The following MACROD2 variants were observed in gnomAD, a reference collection of about 807,000 sequenced individuals.
MACROD2 encodes the protein ADP-ribose glycohydrolase MACROD2.
In MACROD2, 36 loss-of-function variants were observed where a neutral mutation model predicts 70.4. The observed-to-expected ratio is 0.51, with a 90% confidence interval of 0.39 to 0.68. The LOEUF (loss-of-function observed/expected upper bound fraction) is 0.68, where lower values mean the gene tolerates loss of function less well. Ranked by LOEUF, MACROD2 falls within the 30% of genes least tolerant of loss-of-function variation. The pLI is 0.00. For synonymous variants in MACROD2, 172 were observed against 178.8 expected (o/e 0.96, Z 0.30); for missense variants, 496 against 538.4 (o/e 0.92, Z 0.78).
chr20:15,564,504 C>T (rs574633921), intron 8 of MACROD2, among the ~76,000 whole-genome samples: 1 of 152,242 alleles, frequency 6.6e-6, no homozygotes, highest in South Asian at 2.1e-4. Context: ...TCTGACATTA[C>T]TTATAGCACA....
intron 4 of MACROD2, among the ~76,000 whole-genome samples, chr20:14,666,043 C>T (rs538883050): frequency 5.9e-5 from 9 of 152,208 alleles, no homozygotes; most frequent in African/African-American, 2.2e-4. Flanking sequence ...GATTCCTTTT[C>T]TACAGGGCCG....
At chr20:14,539,003 A>T (rs999588446) in intron 4 of MACROD2, among the ~76,000 whole-genome samples, 1 of 152,222 alleles carries the variant, frequency 6.6e-6, no homozygotes, top group African/African-American at 2.4e-5. Flanking sequence ...GCACATAATG[A>T]GCATTCAGTA....
rs543231130 is a variant in MACROD2 at position 15,221,879 on chromosome 20, T to G, written c.419-8061T>G. Among the ~76,000 whole-genome samples the G allele has an allele frequency of 5.3e-5, 8 of 152,350 alleles. No individual in the cohort carries two copies. In the East Asian group the frequency reaches 1.5e-3, roughly 29 times the overall value. On this transcript the variant is annotated intron_variant, in intron 5 of 17. Transcript: ENST00000684519. ...CAACTTTCCAGTTGAGCTGAAAGTA[T>G]GCATTTGAGCTTTGGCAGTGCATTC...
intron 5 of MACROD2, among the ~76,000 whole-genome samples, chr20:14,818,236 G>A (rs1389411362): frequency 6.6e-6 from 1 of 152,060 alleles, no homozygotes; most frequent in East Asian, 1.9e-4. Flanking sequence ...CAGGGTAATG[G>A]GCAGAGGCAG....
At chr20:16,016,766 G>A (rs542366589) in intron 15 of MACROD2, among the ~76,000 whole-genome samples, 2 of 152,236 alleles carry the variant, frequency 1.3e-5, no homozygotes, top group East Asian at 3.9e-4. Flanking sequence ...GAACGAAACT[G>A]AGCTTTTAAT....
intron 5 of MACROD2, among the ~76,000 whole-genome samples, chr20:15,203,338 T>C (rs930554559): frequency 1.3e-5 from 2 of 152,134 alleles, no homozygotes; most frequent in African/African-American, 4.8e-5. Flanking sequence ...TTCATAAATA[T>C]TGATTTCTTT....
intron 8 of MACROD2, among the ~76,000 whole-genome samples, chr20:15,687,007 C>CTT (rs112312068): frequency 1.6e-4 from 20 of 122,184 alleles, no homozygotes; most frequent in East Asian, 1.4e-3. Flanking sequence ...TTTTTTTTTT[C>CTT]TTTTTTTTTT....
chr20:14,326,246 C>G lies in MACROD2; in HGVS notation c.272-167233C>G, dbSNP rs1352227935. ...AGTTTCCAAGAGATATGAATGGTAT[C>G]AGAGGTGACAGACTTCACAGTAATT... On this transcript the variant is annotated intron_variant, in intron 3 of 17. Transcript: ENST00000684519. The surrounding 1 kb of genome is among the most constrained non-coding windows in gnomAD (Gnocchi z 5.5). The G allele has an allele frequency of 6.2e-7, 1 of 1,613,916 alleles. No individual in the cohort carries two copies. The highest frequency in any genetic ancestry group is 8.5e-7 in the Non-Finnish European group (1 of 1,179,868).
intron 5 of MACROD2, among the ~76,000 whole-genome samples, chr20:14,989,969 A>G (rs565342415): frequency 1.3e-5 from 2 of 152,212 alleles, no homozygotes; most frequent in South Asian, 2.1e-4. Flanking sequence ...GGGGATCTTC[A>G]TGAGCTGTGG....
intron 8 of MACROD2, among the ~76,000 whole-genome samples, chr20:15,790,415 G>T (rs2063613211): frequency 6.6e-6 from 1 of 151,878 alleles, no homozygotes; most frequent in Non-Finnish European, 1.5e-5. Context: ...AGAATTAAAG[G>T]TATAGGTATT....
chr20:14,147,557 A>G (rs188486685), intron 3 of MACROD2, among the ~76,000 whole-genome samples: 144 of 152,316 alleles, frequency 9.5e-4, no homozygotes, highest in African/African-American at 3.2e-3. Context: ...ATAAGATATT[A>G]CTTGACCTCA....
At chr20:14,675,171 A>G (rs956510836) in intron 4 of MACROD2, among the ~76,000 whole-genome samples, 3 of 152,346 alleles carry the variant, frequency 2.0e-5, no homozygotes, top group Non-Finnish European at 4.4e-5. Flanking sequence ...CTAGAAAGAC[A>G]GGCCAACATT....
rs956422169 is a variant in MACROD2 at position 15,305,066 on chromosome 20, C to T, written c.540+75005C>T. Among the ~76,000 whole-genome samples the T allele has an allele frequency of 7.9e-5, 12 of 152,166 alleles. No homozygotes were observed. The South Asian group carries it at 1.0e-3, about 13-fold the overall frequency. ...TATAGCCCCCACCTACATCTCATAC[C>T]CATGAATATTACCTACGTGACACCT... is the stretch of plus-strand genomic sequence containing the variant. On this transcript the variant is annotated intron_variant, in intron 6 of 17. Transcript: ENST00000684519.
At chr20:14,665,255 G>C (rs2123545822) in intron 4 of MACROD2, among the ~76,000 whole-genome samples, 1 of 152,122 alleles carries the variant, frequency 6.6e-6, no homozygotes, top group Middle Eastern at 3.4e-3. Flanking sequence ...TTATTGAATG[G>C]CAGCTTAATG....
At chr20:15,626,857 A>AC (rs940778686) in intron 8 of MACROD2, among the ~76,000 whole-genome samples, 5 of 149,716 alleles carry the variant, frequency 3.3e-5, no homozygotes, top group African/African-American at 9.8e-5. Flanking sequence ...TCCATACCCC[A>AC]CCCCCCCAAA....
At chr20:14,905,516 T>C (rs1032671512) in intron 5 of MACROD2, 1 of 152,144 alleles carries the variant, frequency 6.6e-6, no homozygotes, top group Non-Finnish European at 1.5e-5. Context: ...ATCTATGCCC[T>C]TGAACATTTT....
At chr20:14,696,328 T>C (rs993065515) in intron 5 of MACROD2, among the ~76,000 whole-genome samples, 3 of 152,198 alleles carry the variant, frequency 2.0e-5, no homozygotes, top group African/African-American at 7.2e-5. Flanking sequence ...CTCTAGTCTT[T>C]ACCTTTGCCA....
intron 4 of MACROD2, among the ~76,000 whole-genome samples, chr20:14,642,390 G>A (rs1050356358): frequency 4.6e-5 from 7 of 152,152 alleles, no homozygotes; most frequent in Non-Finnish European, 1.0e-4. Flanking sequence ...CACTGGAGTA[G>A]CACTTATAAT....
rs370092191 is a variant in MACROD2, at chr20:14,667,680, C to T, written c.302-17163C>T. On this transcript the variant is annotated intron_variant, in intron 4 of 17. Coordinates refer to ENST00000684519, the MANE Select transcript of MACROD2 (RefSeq NM_001351661.2). ...CTGGGTAAAAAGAAAATAGACATTT[C>T]GATGAGCTGCAGGATTATCCAAGCC... 6.4e-4 allele frequency among the ~76,000 whole-genome samples: 98 copies of T among 152,206 alleles called. 1 individual carries two copies. The highest frequency in any genetic ancestry group is 2.2e-3 in the African/African-American group (91 of 41,526).
Sources: gnomAD v4.1 joint callset for allele counts (sites outside exome capture counted in the v4.1 genomes callset) on GRCh38, gnomAD v4.1.1 for gene constraint, Gnocchi (gnomAD v3.1) non-coding constraint, MANE v1.5 for transcripts, NCBI Gene and HGNC (gene_info 2026-07-23, HGNC 2026-07-21) for gene names.